Variants in ETV6 observed in about 807,000 individuals in gnomAD.
ETV6 encodes the protein ETS variant transcription factor 6.
In ETV6, 16 loss-of-function variants were observed where a neutral mutation model predicts 51.1. The ratio of observed to expected loss-of-function variants is 0.31; its 90% confidence interval spans 0.21 to 0.48. The LOEUF (loss-of-function observed/expected upper bound fraction) is 0.48, where lower values mean the gene tolerates loss of function less well. Among genes scored for constraint, ETV6 ranks in the 20% least tolerant of loss-of-function variants. The pLI, the probability that ETV6 is intolerant of heterozygous loss-of-function variation, is 0.99. For synonymous variants in ETV6, 240 were observed against 224.1 expected (o/e 1.07, Z -0.64); for missense variants, 458 against 594.8 (o/e 0.77, Z 2.39).
intron 1 of ETV6, among the ~76,000 whole-genome samples, chr12:11,739,108 A>G (rs1865762913): frequency 1.3e-5 from 2 of 152,150 alleles, no homozygotes; most frequent in Non-Finnish European, 2.9e-5. Flanking sequence ...ACTTAATTTG[A>G]TGGAGCCTAA....
At chr12:11,805,134 A>T (rs1267581548) in intron 2 of ETV6, among the ~76,000 whole-genome samples, 1 of 152,154 alleles carries the variant, frequency 6.6e-6, no homozygotes, top group East Asian at 1.9e-4. Context: ...CAGATGCTTT[A>T]TTAGTCTTCT....
chr12:11,654,899 ACAGT>A (rs1863972402), intron 1 of ETV6, among the ~76,000 whole-genome samples: 1 of 152,154 alleles, frequency 6.6e-6, no homozygotes, highest in Admixed American at 6.5e-5. Flanking sequence ...CCTGTTTCAA[ACAGT>A]CAAAGCTAAA....
intron 1 of ETV6, among the ~76,000 whole-genome samples, chr12:11,655,147 T>C (rs187693254): frequency 8.5e-4 from 129 of 152,288 alleles, no homozygotes; most frequent in Admixed American, 6.9e-3. Context: ...TTTTAAAACT[T>C]GCCCTTTGGT....
chr12:11,658,067 G>A (rs911233293), intron 1 of ETV6, among the ~76,000 whole-genome samples: 1 of 152,158 alleles, frequency 6.6e-6, no homozygotes, highest in Non-Finnish European at 1.5e-5. Flanking sequence ...GTCTCTTAGG[G>A]TTGTTGGGAT....
intron 5 of ETV6, among the ~76,000 whole-genome samples, chr12:11,878,877 G>A (rs576748784): frequency 1.3e-5 from 2 of 148,992 alleles, no homozygotes; most frequent in Non-Finnish European, 3.0e-5. Context: ...GTTGTAAACC[G>A]TGTTTCTCTA....
chr12:11,760,200 A>G (rs535556266), intron 2 of ETV6, among the ~76,000 whole-genome samples: 6 of 152,338 alleles, frequency 3.9e-5, no homozygotes, highest in Admixed American at 2.0e-4. Context: ...CACTGCCCCA[A>G]TATTTACTGC....
chr12:11,734,241 C>G (rs1054134669), intron 1 of ETV6, among the ~76,000 whole-genome samples: 1 of 152,126 alleles, frequency 6.6e-6, no homozygotes, highest in Non-Finnish European at 1.5e-5. Flanking sequence ...TATCTTTTAT[C>G]ATATAGTCCC....
chr12:11,749,288 TACACACACACACACACACACACAC>T (rs761925697), intron 1 of ETV6, among the ~76,000 whole-genome samples: 3,091 of 122,936 alleles, frequency 0.025, 73 homozygotes, highest in African/African-American at 0.038. Flanking sequence ...ATCCCCCCCA[TACACACACACACACACACACACAC>T]ACACACACAC....
At chr12:11,738,425 C>T (rs979704431) in intron 1 of ETV6, among the ~76,000 whole-genome samples, 7 of 151,542 alleles carry the variant, frequency 4.6e-5, no homozygotes, top group Non-Finnish European at 1.0e-4. Context: ...AAGTGATCCT[C>T]CCACCTCAGC....
chr12:11,743,220 T>TAA (rs1865843481), intron 1 of ETV6, among the ~76,000 whole-genome samples: 1 of 152,246 alleles, frequency 6.6e-6, no homozygotes, highest in South Asian at 2.1e-4. Flanking sequence ...CGTTGCTTTT[T>TAA]AAGTACAGTA....
At chr12:11,807,821 A>C (rs1362465318) in intron 2 of ETV6, among the ~76,000 whole-genome samples, 1 of 152,206 alleles carries the variant, frequency 6.6e-6, no homozygotes, top group Non-Finnish European at 1.5e-5. Flanking sequence ...TTTTTGGAAA[A>C]AAGAATGTAG....
At chr12:11,697,389 G>T (rs1864896079) in intron 1 of ETV6, among the ~76,000 whole-genome samples, 1 of 152,230 alleles carries the variant, frequency 6.6e-6, no homozygotes, top group Non-Finnish European at 1.5e-5. Flanking sequence ...GAAAGGGAAG[G>T]TTAAGGGAGA....
chr12:11,696,904 C>G (rs1037160566), intron 1 of ETV6, among the ~76,000 whole-genome samples: 13 of 152,248 alleles, frequency 8.5e-5, no homozygotes, highest in African/African-American at 3.1e-4. Context: ...TCCTTGAGGG[C>G]AGAGACTATT....
In ETV6 at chr12:11,892,554, G is replaced by GGTCT. The variant is rs1296688458; in HGVS notation, c.*1509_*1512dup. 4.3e-6 allele frequency: 1 copy of GGTCT among 230,734 alleles called. No homozygotes were observed. The highest frequency in any genetic ancestry group is 2.2e-5 in the African/African-American group (1 of 44,516). The allele number at this position is 230,734 out of a possible 1,614,324, so 14.3% of individuals were successfully genotyped here. On this transcript the variant is annotated 3_prime_UTR_variant, in exon 8 of 8. Transcript: ENST00000396373. Reference sequence around the variant, plus strand: ...CATCTAAATTGACTCTTCCAATATAGGTCTCAGAAATCCAATATTTGGAGT... The same window carrying GGTCT: ...CATCTAAATTGACTCTTCCAATATAGGTCTGTCTCAGAAATCCAATATTTGGAGT...
intron 2 of ETV6, among the ~76,000 whole-genome samples, chr12:11,760,509 T>A (rs1033900259): frequency 1.3e-5 from 2 of 152,202 alleles, no homozygotes; most frequent in African/African-American, 4.8e-5. Context: ...AATGGTTCAC[T>A]GAGGAGGGTG....
intron 1 of ETV6, among the ~76,000 whole-genome samples, chr12:11,681,408 A>T (rs756628877): frequency 6.6e-6 from 1 of 152,196 alleles, no homozygotes; most frequent in Non-Finnish European, 1.5e-5. Flanking sequence ...AGTGACTTCC[A>T]TGGAATGATG....
chr12:11,805,512 A>G (rs1032117359), intron 2 of ETV6, among the ~76,000 whole-genome samples: 3 of 147,022 alleles, frequency 2.0e-5, no homozygotes, highest in African/African-American at 7.6e-5. Context: ...CTTTGAAAGC[A>G]TAAAATACAG....
At chr12:11,661,307 T>G in intron 1 of ETV6, among the ~76,000 whole-genome samples, 1 of 152,230 alleles carries the variant, frequency 6.6e-6, no homozygotes, top group East Asian at 1.9e-4. Context: ...TGTCCTCATT[T>G]TGACTTGAGA....
At chr12:11,732,740 A>C (rs1369113322) in intron 1 of ETV6, among the ~76,000 whole-genome samples, 1 of 152,030 alleles carries the variant, frequency 6.6e-6, no homozygotes, top group Non-Finnish European at 1.5e-5. Context: ...TTCTGAAAGC[A>C]CCCTGTCCCT....
Sources: gnomAD v4.1 joint callset for allele counts (sites outside exome capture counted in the v4.1 genomes callset) on GRCh38, gnomAD v4.1.1 for gene constraint, MANE v1.5 for transcripts, NCBI Gene and HGNC (gene_info 2026-07-23, HGNC 2026-07-21) for gene names.